The following DNM3 variants were observed in gnomAD, a reference collection of about 807,000 sequenced individuals.
The protein encoded by DNM3 is dynamin 3.
Under a neutral mutation model 101.6 loss-of-function variants are expected in DNM3, and 47 were observed. The ratio of observed to expected loss-of-function variants is 0.46; its 90% CI spans 0.37 to 0.59. The LOEUF (loss-of-function observed/expected upper bound fraction) is 0.59. DNM3 is among the 20% of genes least tolerant of loss of function. The pLI, the probability that DNM3 is intolerant of heterozygous loss-of-function variation, is 0.00. For missense variants in DNM3, 849 were observed against 1,085.7 expected (o/e 0.78, Z 3.06); for synonymous variants, 385 against 387.9 (o/e 0.99, Z 0.09).
intron 12 of DNM3, among the ~76,000 whole-genome samples, chr1:172,083,129 A>G (rs948188688): frequency 6.6e-6 from 1 of 152,110 alleles, no homozygotes; most frequent in Non-Finnish European, 1.5e-5. Context: ...GACTCTCACC[A>G]TGTGTTCTGT....
At chr1:172,292,624 C>CACACACACACAT (rs1553224094) in intron 15 of DNM3, among the ~76,000 whole-genome samples, 1 of 135,434 alleles carries the variant, frequency 7.4e-6, no homozygotes, top group South Asian at 2.4e-4. Flanking sequence ...CACACACACA[C>CACACACACACAT]GCGCGTGCGT....
At chr1:172,055,577 T>A (rs2050539976) in intron 10 of DNM3, among the ~76,000 whole-genome samples, 1 of 152,144 alleles carries the variant, frequency 6.6e-6, no homozygotes, top group Non-Finnish European at 1.5e-5. Context: ...ACAAGTTCCA[T>A]GAGAATAAGA....
intron 2 of DNM3, among the ~76,000 whole-genome samples, chr1:171,966,719 T>C (rs2043613735): frequency 6.6e-6 from 1 of 152,190 alleles, no homozygotes; most frequent in Admixed American, 6.5e-5. Flanking sequence ...GTGGGTACCA[T>C]GTGTAACATA....
chr1:172,290,781 C>G (rs2063880422), intron 15 of DNM3, among the ~76,000 whole-genome samples: 1 of 152,066 alleles, frequency 6.6e-6, no homozygotes, highest in Admixed American at 6.6e-5. Context: ...GGCCACCATA[C>G]TGGGAAGATT....
intron 15 of DNM3, among the ~76,000 whole-genome samples, chr1:172,287,828 C>CACAT (rs916950455): frequency 6.8e-6 from 1 of 146,840 alleles, no homozygotes; most frequent in Non-Finnish European, 1.5e-5. Context: ...CACACACACA[C>CACAT]ACATATATTT....
chr1:172,191,946 A>G (rs928344054), intron 14 of DNM3, among the ~76,000 whole-genome samples: 12 of 152,120 alleles, frequency 7.9e-5, no homozygotes, highest in African/African-American at 2.4e-4. Context: ...TAAATATACC[A>G]TCATGTCATC....
At chr1:171,965,829 C>A (rs979792877) in intron 2 of DNM3, among the ~76,000 whole-genome samples, 4 of 152,172 alleles carry the variant, frequency 2.6e-5, no homozygotes, top group Non-Finnish European at 4.4e-5. Flanking sequence ...CCTCTCCCCT[C>A]CCTGGAGATT....
intron 16 of DNM3, among the ~76,000 whole-genome samples, chr1:172,319,190 G>C (rs1429137907): frequency 1.3e-5 from 2 of 152,066 alleles, no homozygotes; most frequent in Non-Finnish European, 2.9e-5. Flanking sequence ...GCCATATGTA[G>C]AAAGCTGAAA....
At chr1:172,034,388 G>A (rs573982186) in intron 6 of DNM3, among the ~76,000 whole-genome samples, 3 of 152,018 alleles carry the variant, frequency 2.0e-5, no homozygotes, top group Admixed American at 1.3e-4. Flanking sequence ...TTAGAATACT[G>A]CTTTAACAGC....
intron 4 of DNM3, 105 bp from the exon 5 acceptor site, chr1:172,032,297 A>T: frequency 1.2e-6 from 1 of 844,748 alleles, no homozygotes; most frequent in South Asian, 1.6e-5. Context: ...AGGAAATGGG[A>T]AAAGGACCAG....
At chr1:172,227,068 C>T (rs752301419) in intron 14 of DNM3, among the ~76,000 whole-genome samples, 2 of 151,538 alleles carry the variant, frequency 1.3e-5, no homozygotes, top group Non-Finnish European at 2.9e-5. Context: ...CACTCTCCCC[C>T]TCTCTGAGTC....
intron 1 of DNM3, among the ~76,000 whole-genome samples, chr1:171,895,488 G>T (rs1347049686): frequency 2.0e-5 from 3 of 151,950 alleles, no homozygotes; most frequent in Non-Finnish European, 2.9e-5. Flanking sequence ...GGGATTTTTT[G>T]ATTTTTTTCT....
At chr1:172,315,016 ACGG>A (rs904774306) in intron 16 of DNM3, among the ~76,000 whole-genome samples, 2 of 152,186 alleles carry the variant, frequency 1.3e-5, no homozygotes, top group African/African-American at 4.8e-5. Context: ...GACACCTCAC[ACGG>A]CCGGGTACTC....
intron 9 of DNM3, among the ~76,000 whole-genome samples, chr1:172,046,216 T>A (rs2049785370): frequency 6.6e-6 from 1 of 152,138 alleles, no homozygotes; most frequent in African/African-American, 2.4e-5. Flanking sequence ...CATGGAATAC[T>A]ATGCAGCCAT....
chr1:172,167,238 A>C (rs1335139584), intron 14 of DNM3, among the ~76,000 whole-genome samples: 1 of 152,104 alleles, frequency 6.6e-6, no homozygotes, highest in African/African-American at 2.4e-5. Flanking sequence ...GTCCCTACAA[A>C]GGACATGCAC....
At chr1:172,022,899 T>G (rs1160512998) in intron 4 of DNM3, among the ~76,000 whole-genome samples, 1 of 152,134 alleles carries the variant, frequency 6.6e-6, no homozygotes, top group Non-Finnish European at 1.5e-5. Context: ...AAGAATCATA[T>G]TTTGCTGAAT....
chr1:172,297,378 T>A (rs2064219800), intron 15 of DNM3, among the ~76,000 whole-genome samples: 1 of 152,162 alleles, frequency 6.6e-6, no homozygotes, highest in African/African-American at 2.4e-5. Flanking sequence ...TGCAATCTTG[T>A]ATACTTTTGT....
At position 172,308,723 on chromosome 1, in the gene DNM3, T is replaced by A; in HGVS notation, c.1770-5T>A. On this transcript the variant is annotated splice_region_variant and splice_polypyrimidine_tract_variant and intron_variant, in intron 15 of 20. Coordinates refer to ENST00000627582, the MANE Select transcript of DNM3 (RefSeq NM_015569.5). ...AAGCATGATTTTTTTTTTTTTTAAC[T>A]CCAGGAATGTATACAAAGACTATCG... The A allele has an allele frequency of 6.6e-7, 1 of 1,521,450 alleles. No homozygotes were observed. Among genetic ancestry groups the A allele is most frequent in the Non-Finnish European group, 8.9e-7 (1 of 1,128,926 alleles). 94.2% of individuals were successfully genotyped at this position (1,521,450 alleles called of 1,614,324 possible).
chr1:172,360,850 T>A (rs1451314270), intron 17 of DNM3, among the ~76,000 whole-genome samples: 1 of 152,122 alleles, frequency 6.6e-6, no homozygotes, highest in East Asian at 1.9e-4. Flanking sequence ...GTGCAGTAAG[T>A]TTAGGGCAAA....
Sources: allele counts gnomAD v4.1 joint callset (sites outside exome capture counted in the v4.1 genomes callset), GRCh38; gene constraint gnomAD v4.1.1; transcripts MANE v1.5; gene names NCBI Gene and HGNC (gene_info 2026-07-23, HGNC 2026-07-21).